The following NDUFS4 variants were observed in gnomAD, a reference collection of about 807,000 sequenced individuals.
NDUFS4 encodes NADH dehydrogenase [ubiquinone] iron-sulfur protein 4, mitochondrial.
A neutral mutation model predicts 24.3 loss-of-function variants in NDUFS4; 28 were observed. The ratio of observed to expected loss-of-function variants is 1.15; its 90% confidence interval spans 0.85 to 1.58. The LOEUF (loss-of-function observed/expected upper bound fraction) is 1.58. Among genes scored for constraint, NDUFS4 ranks in the 40% most tolerant of loss-of-function variants. NDUFS4 has a pLI of 0.00. For synonymous variants in NDUFS4, 93 were observed against 69.7 expected (o/e 1.34, Z -1.67); for missense variants, 223 against 207.9 (o/e 1.07, Z -0.45).
chr5:53,651,995 G>T (rs1424241178), intron 3 of NDUFS4, among the ~76,000 whole-genome samples: 1 of 151,960 alleles, frequency 6.6e-6, no homozygotes, highest in African/African-American at 2.4e-5. Context: ...GGATGGTCTC[G>T]ATCTCTTGAC....
intron 2 of NDUFS4, among the ~76,000 whole-genome samples, chr5:53,608,478 A>G (rs1468314319): frequency 1.3e-5 from 2 of 152,208 alleles, no homozygotes; most frequent in Non-Finnish European, 2.9e-5. Flanking sequence ...CAAAATTGGA[A>G]TCAAGCCTCT....
chr5:53,665,615 C>A (rs2112531709), intron 4 of NDUFS4, among the ~76,000 whole-genome samples: 1 of 152,348 alleles, frequency 6.6e-6, no homozygotes, highest in South Asian at 2.1e-4. Flanking sequence ...GGGCATAGGA[C>A]CCTCCGAGCC....
intron 1 of NDUFS4, among the ~76,000 whole-genome samples, chr5:53,567,647 C>A (rs1410987871): frequency 6.6e-6 from 1 of 151,864 alleles, no homozygotes; most frequent in African/African-American, 2.4e-5. Context: ...TCAGTGTCTG[C>A]TATGCTTTCT....
chr5:53,673,614 G>A (rs916082643), intron 4 of NDUFS4, among the ~76,000 whole-genome samples: 2 of 152,270 alleles, frequency 1.3e-5, no homozygotes, highest in Middle Eastern at 3.4e-3. Flanking sequence ...GGCACAATCA[G>A]TCACTTTACT....
At chr5:53,644,979 C>A (rs146413151) in intron 2 of NDUFS4, among the ~76,000 whole-genome samples, 33 of 152,130 alleles carry the variant, frequency 2.2e-4, no homozygotes, top group African/African-American at 7.5e-4. Flanking sequence ...AGAATACTTA[C>A]CAGCTAAGTA....
intron 4 of NDUFS4, among the ~76,000 whole-genome samples, chr5:53,669,127 C>T (rs927917571): frequency 1.3e-5 from 2 of 152,086 alleles, no homozygotes; most frequent in African/African-American, 2.4e-5. Flanking sequence ...TACTACTTGG[C>T]CCTTTACAGA....
chr5:53,598,742 T>C (rs1750212962), intron 1 of NDUFS4, among the ~76,000 whole-genome samples: 1 of 152,200 alleles, frequency 6.6e-6, no homozygotes, highest in Non-Finnish European at 1.5e-5. Flanking sequence ...ATAAGGTTTA[T>C]TGATAAAAAC....
At chr5:53,673,351 G>T (rs1442104238) in intron 4 of NDUFS4, among the ~76,000 whole-genome samples, 2 of 152,066 alleles carry the variant, frequency 1.3e-5, no homozygotes, top group African/African-American at 4.8e-5. Flanking sequence ...GCCCTCTAGG[G>T]AATCTCAGAG....
At chr5:53,601,633 C>T (rs1344141877) in intron 1 of NDUFS4, among the ~76,000 whole-genome samples, 1 of 152,120 alleles carries the variant, frequency 6.6e-6, no homozygotes, top group Non-Finnish European at 1.5e-5. Context: ...TACCCACGGT[C>T]AGCTGTGGTC....
chr5:53,585,494 C>G (rs1749719628), intron 1 of NDUFS4, among the ~76,000 whole-genome samples: 1 of 152,078 alleles, frequency 6.6e-6, no homozygotes, highest in African/African-American at 2.4e-5. Flanking sequence ...GCCTGTAATC[C>G]CAGCACTTTG....
intron 1 of NDUFS4, among the ~76,000 whole-genome samples, chr5:53,570,078 A>G (rs1749160121): frequency 6.6e-6 from 1 of 152,204 alleles, no homozygotes; most frequent in African/African-American, 2.4e-5. Context: ...AACCACCACC[A>G]TAATCCTAGT....
intron 2 of NDUFS4, among the ~76,000 whole-genome samples, chr5:53,620,797 G>A (rs931962468): frequency 2.6e-5 from 4 of 152,024 alleles, no homozygotes; most frequent in African/African-American, 9.7e-5. Context: ...ATTTAATTCT[G>A]TAGTCAGCAA....
At chr5:53,624,644 T>A (rs1751161632) in intron 2 of NDUFS4, among the ~76,000 whole-genome samples, 1 of 152,178 alleles carries the variant, frequency 6.6e-6, no homozygotes, top group Non-Finnish European at 1.5e-5. Flanking sequence ...TCATTGTGAG[T>A]GTATAGAACA....
intron 2 of NDUFS4, among the ~76,000 whole-genome samples, chr5:53,609,745 A>T (rs1750640525): frequency 6.6e-6 from 1 of 152,182 alleles, no homozygotes; most frequent in Non-Finnish European, 1.5e-5. Flanking sequence ...CTTCTGGATC[A>T]CTTGCTGTGG....
rs1424188014 is a variant in NDUFS4 at position 53,562,251 on chromosome 5, C to T, written c.98+1491C>T. 2.0e-5 allele frequency among the ~76,000 whole-genome samples: 3 copies of T among 152,094 alleles called. 1 individual carries two copies. Among genetic ancestry groups the T allele is most frequent in the Non-Finnish European group, 4.4e-5 (3 of 68,020 alleles). On this transcript the variant is annotated intron_variant, in intron 1 of 4. Coordinates refer to ENST00000296684, the MANE Select transcript of NDUFS4 (RefSeq NM_002495.4). ...TATTTTTCTAAGGTAAAATACTTCA[C>T]TGGTTAACTTAGAGTTAATATAGCG... is the stretch of plus-strand genomic sequence containing the variant.
At chr5:53,675,769 A>G (rs1579946402) in intron 4 of NDUFS4, among the ~76,000 whole-genome samples, 1 of 152,222 alleles carries the variant, frequency 6.6e-6, no homozygotes, top group Non-Finnish European at 1.5e-5. Context: ...TAATCCATTT[A>G]CAGGGATCAT....
At chr5:53,605,022 C>T (rs537800124) in intron 2 of NDUFS4, 1 of 373,344 alleles carries the variant, frequency 2.7e-6, no homozygotes. Context: ...GAGTTCGTGA[C>T]CAGCTTGACC....
chr5:53,641,400 T>C (rs1751702402), intron 2 of NDUFS4, among the ~76,000 whole-genome samples: 1 of 152,184 alleles, frequency 6.6e-6, no homozygotes. Flanking sequence ...TTGCATGAAC[T>C]ATTTCTATCA....
intron 1 of NDUFS4, among the ~76,000 whole-genome samples, chr5:53,601,129 G>A (rs916836478): frequency 2.0e-5 from 3 of 150,286 alleles, no homozygotes; most frequent in Admixed American, 1.3e-4. Context: ...CTCAGCCTCC[G>A]AGTAGCTGCG....
Sources: gnomAD v4.1 joint callset for allele counts (sites outside exome capture counted in the v4.1 genomes callset) on GRCh38, gnomAD v4.1.1 for gene constraint, MANE v1.5 for transcripts, NCBI Gene and HGNC (gene_info 2026-07-23, HGNC 2026-07-21) for gene names.